MANSC4: variants seen among roughly 807,000 people sequenced by gnomAD.
The protein encoded by MANSC4 is MANSC domain-containing protein 4.
In MANSC4, 11 loss-of-function variants were observed where a neutral mutation model predicts 11.4. The observed-to-expected ratio is 0.97, with a 90% CI of 0.61 to 1.60. MANSC4 has a LOEUF of 1.60. MANSC4 is among the 40% of genes most tolerant of loss of function. The pLI is 0.00. For missense variants in MANSC4, 354 were observed against 404.6 expected (o/e 0.88, Z 1.07); for synonymous variants, 123 against 147.1 (o/e 0.84, Z 1.19).
At position 27,762,699 on chromosome 12, in the gene MANSC4, T is replaced by G; in HGVS notation, c.*39A>C. On this transcript the variant is annotated 3_prime_UTR_variant, in exon 4 of 4. Transcript: ENST00000381273. ...GCGTTTTCTTACACAAAACTAAAAA[T>G]GATATCCTTGAAAGCATATAATCTT... 7.0e-7 allele frequency: 1 copy of G among 1,438,434 alleles called. No individual in the cohort carries two copies. Among genetic ancestry groups the G allele is most frequent in the Non-Finnish European group, 9.2e-7 (1 of 1,089,894 alleles). 89.1% of individuals were successfully genotyped at this position (1,438,434 alleles called of 1,614,324 possible). A position where few individuals can be genotyped will look rare whatever the true frequency, so the allele number is the denominator to read the frequency against.
chr12:27,774,375 A>G (rs2062111566), intron 1 of MANSC4, among the ~76,000 whole-genome samples: 1 of 152,070 alleles, frequency 6.6e-6, no homozygotes, highest in Non-Finnish European at 1.5e-5. Context: ...ATTAATAAAA[A>G]TTATTTTTTA....
intron 3 of MANSC4, among the ~76,000 whole-genome samples, chr12:27,764,837 T>G (rs1029028445): frequency 6.6e-6 from 1 of 152,104 alleles, no homozygotes; most frequent in African/African-American, 2.4e-5. Flanking sequence ...CACACTGAAA[T>G]CTACACTGTA....
rs1182130464 is a variant in MANSC4 at position 27,762,749 on chromosome 12, T to A, written c.1012A>T (p.Asn338Tyr). 3 of 1,530,228 alleles carry A rather than the reference T, an allele frequency of 2.0e-6. No homozygotes were observed. Among genetic ancestry groups the A allele is most frequent in the Non-Finnish European group, 2.6e-6 (3 of 1,137,546 alleles). The allele number at this position is 1,530,228 out of a possible 1,614,324, so 94.8% of individuals were successfully genotyped here. ...QIKNRNHMKE[N>Y]SS ...TGCTACAGTTTTTACTATGAAGAGT[T>A]CTCCTTCATATGGTTACGGTTTTTA... The change falls in exon 4 of 4, where the codon AAC becomes TAC. Residue 338 changes from asparagine (N) to tyrosine (Y), a missense_variant. Physicochemically the swap from Asn to Tyr is moderately radical, Grantham distance 143 (BLOSUM62 -2). Coordinates refer to ENST00000381273, the MANE Select transcript of MANSC4 (RefSeq NM_001146221.5).
At chr12:27,777,425 G>A (rs1002740481) in intron 1 of MANSC4, among the ~76,000 whole-genome samples, 2 of 152,098 alleles carry the variant, frequency 1.3e-5, no homozygotes, top group Admixed American at 1.3e-4. Context: ...TACAGGGGAC[G>A]CATCCCAGCA....
chr12:27,773,213 G>T (rs1212619706), intron 1 of MANSC4, among the ~76,000 whole-genome samples: 1 of 152,198 alleles, frequency 6.6e-6, no homozygotes, highest in Non-Finnish European at 1.5e-5. Flanking sequence ...AGGGGCTGGT[G>T]CTATTAAGAA....
chr12:27,776,751 C>T (rs2140806172), intron 1 of MANSC4, among the ~76,000 whole-genome samples: 1 of 151,814 alleles, frequency 6.6e-6, no homozygotes, highest in South Asian at 2.1e-4. Flanking sequence ...GAGACCCTGT[C>T]TAAAAAAATA....
At chr12:27,776,520 A>T (rs1052759691) in intron 1 of MANSC4, among the ~76,000 whole-genome samples, 1 of 151,980 alleles carries the variant, frequency 6.6e-6, no homozygotes, top group Non-Finnish European at 1.5e-5. Context: ...ACTTGCGCCC[A>T]GGAGTTCAAG....
At chr12:27,770,349 T>C (rs996066498) in intron 2 of MANSC4, among the ~76,000 whole-genome samples, 3 of 152,078 alleles carry the variant, frequency 2.0e-5, no homozygotes, top group African/African-American at 7.2e-5. Flanking sequence ...CCTGGCTAAT[T>C]TTTGTATTTT....
chr12:27,763,846 T>A (rs2062059567), intron 3 of MANSC4, among the ~76,000 whole-genome samples: 1 of 152,140 alleles, frequency 6.6e-6, no homozygotes. Flanking sequence ...TCCTCTCACC[T>A]CAGTCTCCTG....
Position 27,762,593 on chromosome 12 carries a change from C to T in MANSC4, c.*145G>A. The T allele has an allele frequency of 2.8e-6, 2 of 709,208 alleles. No homozygotes were observed. The highest frequency in any genetic ancestry group is 4.4e-6 in the Non-Finnish European group (2 of 451,000). 43.9% of individuals were successfully genotyped at this position (709,208 alleles called of 1,614,324 possible). ...CTCGAACTCCTGGGCTCAAGCAAAT[C>T]TACTGCCTTGGCTTCCCAAAGTTTT... On this transcript the variant is annotated 3_prime_UTR_variant, in exon 4 of 4. Coordinates refer to ENST00000381273, the MANE Select transcript of MANSC4 (RefSeq NM_001146221.5).
intron 2 of MANSC4, among the ~76,000 whole-genome samples, chr12:27,767,547 T>C (rs976580702): frequency 6.6e-6 from 1 of 151,746 alleles, no homozygotes; most frequent in Non-Finnish European, 1.5e-5. Flanking sequence ...CTACTAAAAA[T>C]ACAAAATTAG....
Position 27,762,451 on chromosome 12 carries a change from C to G in MANSC4, c.*287G>C, listed in dbSNP as rs2062051078. ...TGACCTCCTGGGCTCAAGCAGTCCT[C>G]CCACCTCAGCCTCCTAAGTAGCTGG... On this transcript the variant is annotated 3_prime_UTR_variant, in exon 4 of 4. Transcript: ENST00000381273. 6.6e-6 allele frequency among the ~76,000 whole-genome samples: 1 copy of G among 151,924 alleles called. No homozygotes were observed. The highest frequency in any genetic ancestry group is 1.5e-5 in the Non-Finnish European group (1 of 67,992).
chr12:27,778,720 C>T lies in MANSC4; in HGVS notation c.-307+1490G>A, dbSNP rs115607857. ...CCTCTGCTTCCTCCCAATCCTTCTC[C>T]CTTCTCCTACCCAAAGATAATCCAA... On this transcript the variant is annotated intron_variant, in intron 1 of 3. Coordinates refer to ENST00000381273, the MANE Select transcript of MANSC4 (RefSeq NM_001146221.5). 4.5e-3 allele frequency among the ~76,000 whole-genome samples: 679 copies of T among 152,272 alleles called. 1 individual carries two copies. The highest frequency in any genetic ancestry group is 0.016 in the African/African-American group (661 of 41,554).
At chr12:27,779,403 G>C (rs937691773) in intron 1 of MANSC4, among the ~76,000 whole-genome samples, 2 of 152,176 alleles carry the variant, frequency 1.3e-5, no homozygotes, top group Admixed American at 1.3e-4. Flanking sequence ...GTCGGGCTGC[G>C]CTTTCATCTT....
intron 2 of MANSC4, among the ~76,000 whole-genome samples, chr12:27,768,404 A>C (rs2062083334): frequency 2.9e-5 from 1 of 33,924 alleles, no homozygotes. Context: ...CTCTGTCTCA[A>C]AAAAAAAAAA....
chr12:27,775,388 G>A (rs2062115892), intron 1 of MANSC4, among the ~76,000 whole-genome samples: 1 of 152,094 alleles, frequency 6.6e-6, no homozygotes, highest in South Asian at 2.1e-4. Context: ...ATATCAGCCT[G>A]GAAAACATAG....
At chr12:27,765,187 G>T (rs1322242804) in intron 3 of MANSC4, among the ~76,000 whole-genome samples, 2 of 152,170 alleles carry the variant, frequency 1.3e-5, no homozygotes, top group Non-Finnish European at 2.9e-5. Flanking sequence ...TATTAAAAAG[G>T]TGATGAAGTC....
intron 3 of MANSC4, among the ~76,000 whole-genome samples, chr12:27,765,938 T>C (rs561904936): frequency 6.6e-6 from 1 of 152,302 alleles, no homozygotes; most frequent in African/African-American, 2.4e-5. Flanking sequence ...TGCTAATGTA[T>C]GTCAGCACAT....
At chr12:27,768,417 A>AAAAAAAAAAAAAG (rs1555109479) in intron 2 of MANSC4, among the ~76,000 whole-genome samples, 1 of 95,538 alleles carries the variant, frequency 1.0e-5, no homozygotes, top group East Asian at 3.4e-4. Context: ...AAAAAAAAAA[A>AAAAAAAAAAAAAG]AAAAAGAAAA....
Sources: gnomAD v4.1 joint callset for allele counts (sites outside exome capture counted in the v4.1 genomes callset) on GRCh38, gnomAD v4.1.1 for gene constraint, MANE v1.5 for transcripts, NCBI Gene and HGNC (gene_info 2026-07-23, HGNC 2026-07-21) for gene names.